The following VIPAS39 variants were observed in gnomAD, a reference collection of about 807,000 sequenced individuals.
VIPAS39 encodes the protein VPS33B interacting protein, apical-basolateral polarity regulator, spe-39 homolog.
Under a neutral mutation model 84.7 loss-of-function variants are expected in VIPAS39, and 63 were observed. That is an observed-to-expected ratio of 0.74 (90% CI 0.61 to 0.92). VIPAS39 has a LOEUF of 0.92. Among genes scored for constraint, VIPAS39 ranks in the 40% least tolerant of loss-of-function variants. VIPAS39 has a pLI of 0.00. For synonymous variants in VIPAS39, 192 were observed against 216.5 expected, an observed-to-expected ratio of 0.89 and a Z score of 0.99; for missense variants, 499 against 604.5, an observed-to-expected ratio of 0.83 and a Z score of 1.83.
chr14:77,434,902 GA>G (rs553201076), intron 14 of VIPAS39, among the ~76,000 whole-genome samples: 4,591 of 132,882 alleles, frequency 0.035, 209 homozygotes, highest in African/African-American at 0.11. Context: ...CCATCTCAGA[GA>G]AAAAAAAAAA....
At chr14:77,448,695 G>T in intron 6 of VIPAS39, 145 bp from the exon 7 acceptor site, 1 of 896,880 alleles carries the variant, frequency 1.1e-6, no homozygotes, top group Non-Finnish European at 1.8e-6. Flanking sequence ...TGAAGAAATG[G>T]GACGGTTTTG....
chr14:77,457,529 G>A lies in VIPAS39; in HGVS notation c.-35C>T, dbSNP rs1423342870. 7 of 776,188 alleles carry A rather than the reference G, an allele frequency of 9.0e-6. No homozygotes were observed. Among genetic ancestry groups the A allele is most frequent in the African/African-American group, 3.5e-5 (2 of 57,436 alleles). 48.1% of individuals were successfully genotyped at this position (776,188 alleles called of 1,614,324 possible). The stretch of plus-strand genomic sequence containing the variant: ...ACAGAGCCCTCCCTCTCAGGACAGC[G>A]CCAGCCTCCGCCGCCGCTGGACCAG... On this transcript the variant is annotated 5_prime_UTR_variant, in exon 1 of 20. Transcript: ENST00000557658.
intron 1 of VIPAS39, 161 bp downstream of exon 1, chr14:77,457,334 A>T: frequency 6.5e-7 from 1 of 1,535,636 alleles, no homozygotes; most frequent in Non-Finnish European, 8.7e-7. Context: ...CCCCAGTCCC[A>T]AGCGTACTCC....
At chr14:77,445,394 G>A (rs1566733699) in intron 7 of VIPAS39, among the ~76,000 whole-genome samples, 1 of 152,118 alleles carries the variant, frequency 6.6e-6, no homozygotes, top group Non-Finnish European at 1.5e-5. Flanking sequence ...TTATCAGACT[G>A]TACTTATCAC....
intron 1 of VIPAS39, 54 bp downstream of exon 1, chr14:77,457,441 G>A (rs1021489299): frequency 3.3e-5 from 50 of 1,520,530 alleles, no homozygotes; most frequent in Non-Finnish European, 4.1e-5. Flanking sequence ...ATCAAGATGC[G>A]GAGAGGCTGG....
rs186702157 is a variant in VIPAS39 at position 77,433,659 on chromosome 14, T to C, written c.1179+183A>G. Reference sequence around the variant, plus strand: ...GTGATGTGGATAAAGACTATTATACTATTATAGTATATATTTGATTATTAT... The same window carrying C: ...GTGATGTGGATAAAGACTATTATACCATTATAGTATATATTTGATTATTAT... On this transcript the variant is annotated intron_variant, in intron 16 of 19. Coordinates refer to ENST00000557658, the MANE Select transcript of VIPAS39 (RefSeq NM_001193315.2). Among the ~76,000 whole-genome samples, 22 of 152,380 alleles carry C rather than the reference T, an allele frequency of 1.4e-4. 1 individual carries two copies. The highest frequency in any genetic ancestry group is 6.8e-3 in the Middle Eastern group (2 of 294).
chr14:77,445,583 C>T (rs2078775328), intron 7 of VIPAS39, among the ~76,000 whole-genome samples: 1 of 152,142 alleles, frequency 6.6e-6, no homozygotes, highest in African/African-American at 2.4e-5. Flanking sequence ...GCCATCACAC[C>T]TGGCTAATTT....
At chr14:77,430,988 C>T (rs1406575375) in intron 16 of VIPAS39, among the ~76,000 whole-genome samples, 3 of 152,122 alleles carry the variant, frequency 2.0e-5, no homozygotes, top group Admixed American at 2.0e-4. Flanking sequence ...TTTCCACATG[C>T]AAAAGAATGA....
intron 11 of VIPAS39, among the ~76,000 whole-genome samples, chr14:77,438,255 T>A (rs2078646942): frequency 6.9e-6 from 1 of 145,928 alleles, no homozygotes; most frequent in South Asian, 2.2e-4. Flanking sequence ...TGAGACGAAG[T>A]CTCACTCTTG....
rs758159600 is a variant in VIPAS39, at chr14:77,443,192, CA to C, written c.598-41del. 2.1e-5 allele frequency: 34 copies of C among 1,613,586 alleles called. No individual in the cohort carries two copies. The African/African-American group carries it at 4.4e-4, about 21-fold the overall frequency. On this transcript the variant is annotated intron_variant, in intron 8 of 19. Coordinates refer to ENST00000557658, the MANE Select transcript of VIPAS39 (RefSeq NM_001193315.2). The stretch of plus-strand genomic sequence containing the variant: ...AACAAAGACTGTGCAAACTTTCCAA[CA>C]CAGAGTCATGCCCTGAGCACTACAG...
intron 11 of VIPAS39, among the ~76,000 whole-genome samples, chr14:77,438,511 G>C (rs958353234): frequency 6.6e-6 from 1 of 152,228 alleles, no homozygotes; most frequent in Non-Finnish European, 1.5e-5. Flanking sequence ...TTACAGGCGT[G>C]AGCCACCACG....
chr14:77,439,016 C>A (rs2139799321), intron 11 of VIPAS39, among the ~76,000 whole-genome samples: 1 of 152,112 alleles, frequency 6.6e-6, no homozygotes, highest in Non-Finnish European at 1.5e-5. Flanking sequence ...AAGAAAGTAA[C>A]CTTTAAGAGC....
intron 16 of VIPAS39, among the ~76,000 whole-genome samples, chr14:77,431,660 A>G (rs962701585): frequency 6.6e-6 from 1 of 152,072 alleles, no homozygotes; most frequent in Non-Finnish European, 1.5e-5. Context: ...ACAGAGTGAG[A>G]CCCTCTCTCA....
chr14:77,434,404 C>T lies in VIPAS39; in HGVS notation c.1048-101G>A. 18 of 1,054,580 alleles carry T rather than the reference C, an allele frequency of 1.7e-5. No homozygotes were observed. The South Asian group carries it at 2.3e-4, about 13-fold the overall frequency. The allele number at this position is 1,054,580 out of a possible 1,614,324, so 65.3% of individuals were successfully genotyped here. A position where few individuals can be genotyped will look rare whatever the true frequency, so the allele number is the denominator to read the frequency against. ...CACTACAGAGACTTTCTACATCTTA[C>T]TCTGCTGCCATTTAAACATAGAAAT... On this transcript the variant is annotated intron_variant, in intron 14 of 19. Coordinates refer to ENST00000557658, the MANE Select transcript of VIPAS39 (RefSeq NM_001193315.2).
In VIPAS39 at chr14:77,453,390, G is replaced by A; in HGVS notation, c.105C>T (p.Ser35=). 2 of 1,614,052 alleles carry A rather than the reference G, an allele frequency of 1.2e-6. No homozygotes were observed. The highest frequency in any genetic ancestry group is 8.5e-7 in the Non-Finnish European group (1 of 1,180,010). ...CTCGGAGGCTGTTCACCGCCCGCTT[G>A]GACTCCTTTAACTGCAGAGGGACAC... ...EDDELSQLKE[S]KRAVNSLRDF... is the part of the protein sequence containing the mutation. Residue 35 remains serine, a synonymous_variant, in exon 3 of 20, where the codon TCC becomes TCT. Transcript: ENST00000557658.
chr14:77,448,431 C>A, intron 7 of VIPAS39, 63 bp downstream of exon 7: 1 of 1,484,414 alleles, frequency 6.7e-7, no homozygotes, highest in South Asian at 1.1e-5. Flanking sequence ...GTCAAGAAAT[C>A]TTCCCTGTGT....
chr14:77,453,913 A>G, intron 2 of VIPAS39, 97 bp downstream of exon 2: 1 of 1,103,744 alleles, frequency 9.1e-7, no homozygotes, highest in Non-Finnish European at 1.4e-6. Flanking sequence ...CCTAATGAAG[A>G]CATACATGGT....
chr14:77,457,277 T>TGAACCAAATGTCCGCTTCC, intron 1 of VIPAS39: 11 of 1,535,640 alleles, frequency 7.2e-6, no homozygotes, highest in Non-Finnish European at 9.6e-6. Flanking sequence ...ATGCTCGTTC[T>TGAACCAAATGTCCGCTTCC]GAACCAAATG....
In VIPAS39 at chr14:77,435,315, T is replaced by A. The variant is rs562914735; in HGVS notation, c.991A>T (p.Met331Leu). 6.2e-7 allele frequency: 1 copy of A among 1,613,580 alleles called. No homozygotes were observed. Among genetic ancestry groups the A allele is most frequent in the East Asian group, 2.2e-5 (1 of 44,884 alleles). Residue 331 changes from methionine (M) to leucine (L), a missense_variant, in exon 14 of 20, where the codon ATG (methionine) becomes TTG (leucine). Transcript: ENST00000557658. ...TAGAAAAGTGTTGTCACTAGTGGCA[T>A]GTTGAGGATGGAGGCTTTGCGGGGG... is the stretch of plus-strand genomic sequence containing the variant. ...KHPRKASILN[M>L]PLVTTLFYSC...
Sources: allele counts gnomAD v4.1 joint callset (sites outside exome capture counted in the v4.1 genomes callset), GRCh38; gene constraint gnomAD v4.1.1; transcripts MANE v1.5; gene names NCBI Gene and HGNC (gene_info 2026-07-23, HGNC 2026-07-21).